FBXL13: variants seen among roughly 807,000 people sequenced by gnomAD.
The protein encoded by FBXL13 is F-box and leucine rich repeat protein 13, also known as F-box and leucine-rich repeat protein 13.
A neutral mutation model predicts 83.6 loss-of-function variants in FBXL13; 67 were observed. The ratio of observed to expected loss-of-function variants is 0.80; its 90% confidence interval spans 0.66 to 0.98. The LOEUF (loss-of-function observed/expected upper bound fraction) is 0.98, where lower values mean the gene tolerates loss of function less well. FBXL13 is among the 50% of genes least tolerant of loss of function. The pLI, the probability that FBXL13 is intolerant of heterozygous loss-of-function variation, is 0.00. For synonymous variants in FBXL13, 272 were observed against 299.5 expected (o/e 0.91, Z 0.95); for missense variants, 822 against 866.5 (o/e 0.95, Z 0.64).
intron 11 of FBXL13, among the ~76,000 whole-genome samples, chr7:102,890,602 A>G (rs1452153179): frequency 2.6e-5 from 4 of 152,258 alleles, no homozygotes; most frequent in South Asian, 4.1e-4. Context: ...TTGAGTTGTC[A>G]GTGAGCCACA....
intron 16 of FBXL13, among the ~76,000 whole-genome samples, chr7:102,869,435 C>T (rs1455355843): frequency 6.6e-6 from 1 of 152,152 alleles, no homozygotes; most frequent in Non-Finnish European, 1.5e-5. Flanking sequence ...GTGGTCTCTT[C>T]ACTCTGCTGT....
chr7:102,869,294 T>C (rs1584712334), intron 16 of FBXL13, among the ~76,000 whole-genome samples: 1 of 152,232 alleles, frequency 6.6e-6, no homozygotes, highest in Non-Finnish European at 1.5e-5. Flanking sequence ...TTGAGAAATA[T>C]CTATTCAGGT....
At chr7:103,071,195 T>C (rs978592480) in intron 1 of FBXL13, among the ~76,000 whole-genome samples, 3 of 151,608 alleles carry the variant, frequency 2.0e-5, no homozygotes, top group African/African-American at 4.9e-5. Context: ...AAAAGAGGCA[T>C]GTAGAACAAG....
At chr7:103,074,641 C>T (rs1799472811), upstream of FBXL13, 1 of 1,274,008 alleles carries the variant, frequency 7.8e-7, no homozygotes, top group Non-Finnish European at 1.0e-6. Context: ...CCTGACTCCT[C>T]CCCCTTCTAA....
intron 1 of FBXL13, among the ~76,000 whole-genome samples, chr7:103,061,583 C>T (rs1330068372): frequency 6.6e-6 from 1 of 152,108 alleles, no homozygotes; most frequent in Middle Eastern, 3.4e-3. Flanking sequence ...GTCCCTTGCT[C>T]AAGAATCAGC....
intron 8 of FBXL13, among the ~76,000 whole-genome samples, chr7:102,940,132 GATCC>G (rs1245974504): frequency 6.6e-6 from 1 of 151,642 alleles, no homozygotes; most frequent in Non-Finnish European, 1.5e-5. Context: ...GACCTCAGGT[GATCC>G]GCCCACCTTG....
chr7:103,040,804 G>C (rs753399588), intron 2 of FBXL13, among the ~76,000 whole-genome samples: 1 of 152,250 alleles, frequency 6.6e-6, no homozygotes, highest in Non-Finnish European at 1.5e-5. Context: ...CAATGTACCA[G>C]AATCTCTGGG....
chr7:103,034,737 C>T (rs1325198280), intron 2 of FBXL13, among the ~76,000 whole-genome samples: 1 of 152,216 alleles, frequency 6.6e-6, no homozygotes, highest in Non-Finnish European at 1.5e-5. Context: ...ACGAGGGCTG[C>T]GAGGGCTGCC....
At chr7:102,833,847 T>A (rs1022378008) in intron 17 of FBXL13, among the ~76,000 whole-genome samples, 1 of 151,968 alleles carries the variant, frequency 6.6e-6, no homozygotes, top group South Asian at 2.1e-4. Flanking sequence ...TATCAATACT[T>A]CTTAATTTTC....
intron 6 of FBXL13, chr7:102,973,287 A>G: frequency 2.1e-6 from 1 of 487,754 alleles, no homozygotes. Context: ...CCAAGGCACA[A>G]GGCCACTTGT....
chr7:103,055,287 A>T, intron 2 of FBXL13, 109 bp from the exon 3 acceptor site: 1 of 548,912 alleles, frequency 1.8e-6, no homozygotes, highest in South Asian at 1.9e-5. Context: ...GAAGGAAAAC[A>T]CATTTCCCCT....
intron 17 of FBXL13, among the ~76,000 whole-genome samples, chr7:102,844,454 C>T (rs1216662993): frequency 1.3e-5 from 2 of 152,184 alleles, no homozygotes; most frequent in East Asian, 1.9e-4. Context: ...CTCCCTTAGC[C>T]TGCCTGCGGC....
At chr7:102,926,704 C>T (rs566394885) in intron 9 of FBXL13, among the ~76,000 whole-genome samples, 1 of 152,176 alleles carries the variant, frequency 6.6e-6, no homozygotes, top group Non-Finnish European at 1.5e-5. Flanking sequence ...ACACTTCTGA[C>T]TCTTCATATG....
intron 6 of FBXL13, among the ~76,000 whole-genome samples, chr7:103,017,461 C>G (rs1006206652): frequency 6.6e-6 from 1 of 152,186 alleles, no homozygotes; most frequent in African/African-American, 2.4e-5. Context: ...AGGAACAGAA[C>G]AAAGCTAGAT....
At chr7:102,954,417 G>A (rs900598825) in intron 8 of FBXL13, among the ~76,000 whole-genome samples, 15 of 152,042 alleles carry the variant, frequency 9.9e-5, no homozygotes, top group African/African-American at 9.7e-5. Context: ...AGAAACAACC[G>A]GTACCAGCCA....
intron 18 of FBXL13, 105 bp downstream of exon 19, chr7:102,832,735 C>T: frequency 7.6e-7 from 1 of 1,321,668 alleles, no homozygotes; most frequent in Non-Finnish European, 9.9e-7. Context: ...ATACCTCAAC[C>T]ATGGCAAAGA....
At chr7:102,920,275 A>G (rs1816726392) in intron 10 of FBXL13, among the ~76,000 whole-genome samples, 1 of 152,258 alleles carries the variant, frequency 6.6e-6, no homozygotes, top group Non-Finnish European at 1.5e-5. Flanking sequence ...ACAAGTAAAC[A>G]TAGTTCACAG....
chr7:102,813,764 G>C (rs1469399313), intron 19 of FBXL13, among the ~76,000 whole-genome samples: 1 of 152,152 alleles, frequency 6.6e-6, no homozygotes, highest in Non-Finnish European at 1.5e-5. Flanking sequence ...CAGTGAATGG[G>C]TAAGGAAACT....
intron 17 of FBXL13, among the ~76,000 whole-genome samples, chr7:102,849,993 GTT>G (rs960811053): frequency 8.6e-4 from 130 of 150,422 alleles, no homozygotes; most frequent in African/African-American, 2.6e-3. Context: ...CATGTATCCT[GTT>G]TTGTTTTGTT....
Sources: allele counts gnomAD v4.1 joint callset (sites outside exome capture counted in the v4.1 genomes callset), GRCh38; gene constraint gnomAD v4.1.1; transcripts MANE v1.5; gene names NCBI Gene and HGNC (gene_info 2026-07-23, HGNC 2026-07-21).